ATP9B: variants seen among roughly 807,000 people sequenced by gnomAD.
The protein encoded by ATP9B is probable phospholipid-transporting ATPase IIB.
In ATP9B, 110 loss-of-function variants were observed where a neutral mutation model predicts 146.1. The observed-to-expected ratio is 0.75, with a 90% CI of 0.65 to 0.88. The LOEUF is 0.88. ATP9B is among the 40% of genes least tolerant of loss of function. The pLI, the probability that ATP9B is intolerant of heterozygous loss-of-function variation, is 0.00. For missense variants in ATP9B, 1,499 were observed against 1,496.4 expected (o/e 1.00, Z -0.03); for synonymous variants, 604 against 569.7 (o/e 1.06, Z -0.86).
chr18:79,266,597 T>A (rs190987631), intron 12 of ATP9B, among the ~76,000 whole-genome samples: 61 of 152,246 alleles, frequency 4.0e-4, no homozygotes, highest in South Asian at 8.3e-4. Context: ...TATAGAAGCC[T>A]TTTAATGCCT....
Position 79,190,199 on chromosome 18 carries a change from A to G in ATP9B, c.874-2984A>G, listed in dbSNP as rs541221482. 6.8e-4 allele frequency among the ~76,000 whole-genome samples: 103 copies of G among 152,160 alleles called. 1 individual carries two copies. The Middle Eastern group carries it at 0.017, about 25-fold the overall frequency. On this transcript the variant is annotated intron_variant, in intron 8 of 29. Coordinates refer to ENST00000426216, the MANE Select transcript of ATP9B (RefSeq NM_198531.5). Reference sequence around the variant, plus strand: ...ACCTGTGTGTTTAGGTTTTATTTTAACTTTTTGTAATAGATTTGTGTATAT... The same window carrying G: ...ACCTGTGTGTTTAGGTTTTATTTTAGCTTTTTGTAATAGATTTGTGTATAT...
intron 17 of ATP9B, among the ~76,000 whole-genome samples, chr18:79,331,140 A>G (rs1301576805): frequency 6.6e-6 from 1 of 152,206 alleles, no homozygotes; most frequent in African/African-American, 2.4e-5. Flanking sequence ...TGTAGTAAAC[A>G]TGGCCCTTTT....
At chr18:79,204,501 G>GT (rs1341199974) in intron 9 of ATP9B, among the ~76,000 whole-genome samples, 1 of 151,904 alleles carries the variant, frequency 6.6e-6, no homozygotes, top group East Asian at 1.9e-4. Flanking sequence ...TAATTCTCAG[G>GT]TTTTCCACTT....
At chr18:79,241,210 C>G (rs2095884785) in intron 11 of ATP9B, among the ~76,000 whole-genome samples, 1 of 152,102 alleles carries the variant, frequency 6.6e-6, no homozygotes, top group South Asian at 2.1e-4. Flanking sequence ...TTGGTTGTCT[C>G]AAGCATTTTG....
At chr18:79,130,507 G>A (rs1454635947) in intron 5 of ATP9B, among the ~76,000 whole-genome samples, 2 of 140,494 alleles carry the variant, frequency 1.4e-5, no homozygotes, top group African/African-American at 2.6e-5. Context: ...GCAAGAAGTC[G>A]AGGAGAGAGA....
chr18:79,235,727 T>C (rs1001810601), intron 11 of ATP9B, among the ~76,000 whole-genome samples: 2 of 151,596 alleles, frequency 1.3e-5, no homozygotes, highest in Non-Finnish European at 2.9e-5. Flanking sequence ...GAAGTAGAAT[T>C]CTCCCAGCTC....
chr18:79,167,425 C>T (rs937643086), intron 7 of ATP9B, among the ~76,000 whole-genome samples: 1 of 152,078 alleles, frequency 6.6e-6, no homozygotes, highest in African/African-American at 2.4e-5. Context: ...AGAGGAGACC[C>T]GGAGTAGGTA....
chr18:79,229,002 G>A (rs2095763249), intron 11 of ATP9B, among the ~76,000 whole-genome samples: 1 of 152,166 alleles, frequency 6.6e-6, no homozygotes, highest in Admixed American at 6.5e-5. Context: ...CTACACTCCA[G>A]CCTGGGCGAC....
chr18:79,131,364 G>A (rs2147256017), intron 5 of ATP9B, among the ~76,000 whole-genome samples: 1 of 152,296 alleles, frequency 6.6e-6, no homozygotes, highest in East Asian at 1.9e-4. Context: ...CAAAGGACCT[G>A]GACAGGCAAT....
intron 11 of ATP9B, among the ~76,000 whole-genome samples, chr18:79,214,553 T>C (rs1475102045): frequency 1.3e-5 from 2 of 152,240 alleles, no homozygotes; most frequent in Non-Finnish European, 2.9e-5. Context: ...AAAATTGTTA[T>C]TTATGCATCC....
rs201699112 is a variant in ATP9B at position 79,223,837 on chromosome 18, ACTGATAGCATCTGGGG to A, written c.1107+9801_1107+9816del. 4.7e-3 allele frequency among the ~76,000 whole-genome samples: 720 copies of A among 152,302 alleles called. 9 individuals are homozygous for A. The highest frequency in any genetic ancestry group is 0.016 in the African/African-American group (651 of 41,562). On this transcript the variant is annotated intron_variant, in intron 11 of 29. Transcript: ENST00000426216. ...TGCTAAGTGTTGAAAAAACAATCCT[ACTGATAGCATCTGGGG>A]CATAATGCTCTATCAGAGTGTATAG...
intron 22 of ATP9B, 89 bp downstream of exon 22, chr18:79,345,661 C>T: frequency 6.3e-7 from 1 of 1,598,032 alleles, no homozygotes; most frequent in Non-Finnish European, 8.5e-7. Flanking sequence ...ATCTCTAAAA[C>T]TAGATTGATT....
chr18:79,254,173 GAAAC>G (rs1447287730), intron 12 of ATP9B: 1 of 152,186 alleles, frequency 6.6e-6, no homozygotes, highest in Non-Finnish European at 1.5e-5. Context: ...ATGAGCAACT[GAAAC>G]CTAATGATGG....
intron 7 of ATP9B, among the ~76,000 whole-genome samples, chr18:79,163,354 A>T (rs1021207646): frequency 3.3e-5 from 5 of 152,212 alleles, no homozygotes; most frequent in Non-Finnish European, 7.3e-5. Flanking sequence ...TAATAAGTTT[A>T]CAGAAATTTA....
intron 15 of ATP9B, among the ~76,000 whole-genome samples, chr18:79,323,263 CT>C (rs2096726129): frequency 6.6e-6 from 1 of 152,152 alleles, no homozygotes; most frequent in South Asian, 2.1e-4. Context: ...TAGTAATCCT[CT>C]GTTTATCGTT....
In ATP9B at chr18:79,254,346, C is replaced by G. The variant is rs2096058653; in HGVS notation, c.1268+805C>G. The G allele has an allele frequency of 3.3e-5, 5 of 152,230 alleles. No homozygotes were observed. In the South Asian group the frequency reaches 1.0e-3, roughly 32 times the overall value. The allele number at this position is 152,230 out of a possible 1,614,324, so 9.4% of individuals were successfully genotyped here. On this transcript the variant is annotated intron_variant, in intron 12 of 29. Coordinates refer to ENST00000426216, the MANE Select transcript of ATP9B (RefSeq NM_198531.5). ...TTTGCTCTAAAAGGTGATGTCTCTT[C>G]CATTTACTTACGTCATAAAGTCAGA...
At chr18:79,220,371 C>T (rs926930042) in intron 11 of ATP9B, among the ~76,000 whole-genome samples, 14 of 152,120 alleles carry the variant, frequency 9.2e-5, no homozygotes, top group African/African-American at 3.1e-4. Context: ...GAGGCTGAGG[C>T]GGCCGGATTT....
At chr18:79,309,329 C>A (rs1241137) in intron 15 of ATP9B, among the ~76,000 whole-genome samples, 4 of 30,150 alleles carry the variant, frequency 1.3e-4, no homozygotes, top group African/African-American at 1.8e-4. Context: ...GGGCTGAGGA[C>A]TGATCCCCAG....
At chr18:79,115,248 C>G (rs1165956348) in intron 4 of ATP9B, 2 of 133,572 alleles carry the variant, frequency 1.5e-5, no homozygotes, top group Middle Eastern at 3.5e-3. Context: ...GAACTACAAA[C>G]CACTGCTCAA....
Sources: allele counts gnomAD v4.1 joint callset (sites outside exome capture counted in the v4.1 genomes callset), GRCh38; gene constraint gnomAD v4.1.1; transcripts MANE v1.5; gene names NCBI Gene and HGNC (gene_info 2026-07-23, HGNC 2026-07-21).